Variants in SYN3 observed in about 807,000 individuals in gnomAD.
SYN3 encodes synapsin III.
In SYN3, 35 loss-of-function variants were observed where a neutral mutation model predicts 65.8. The observed-to-expected ratio is 0.53, with a 90% CI of 0.41 to 0.70. The LOEUF is 0.70. Ranked by LOEUF, SYN3 falls within the 30% of genes least tolerant of loss-of-function variation. SYN3 has a pLI of 0.00. For synonymous variants in SYN3, 270 were observed against 292.9 expected, an observed-to-expected ratio of 0.92 and a Z score of 0.80; for missense variants, 680 against 749.0, an observed-to-expected ratio of 0.91 and a Z score of 1.08.
At chr22:32,926,115 GT>G (rs2050463059) in intron 4 of SYN3, among the ~76,000 whole-genome samples, 1 of 152,292 alleles carries the variant, frequency 6.6e-6, no homozygotes, top group South Asian at 2.1e-4. Context: ...GCCTCCCAAA[GT>G]GCTGGGATTA....
chr22:32,621,089 G>A (rs1018072232), intron 6 of SYN3, among the ~76,000 whole-genome samples: 10 of 152,110 alleles, frequency 6.6e-5, no homozygotes, highest in Non-Finnish European at 1.2e-4. Flanking sequence ...AATGCAGAAG[G>A]GTTCTGGAGC....
rs1025851912 is a variant in SYN3, at chr22:32,864,897, G to C, written c.711+18C>G. ...ATTCCGCATCATGCAAAGAAACAGA[G>C]TAAAAAAGGGCACTCACCATTGGCT... On this transcript the variant is annotated intron_variant, in intron 6 of 13. Coordinates refer to ENST00000358763, the MANE Select transcript of SYN3 (RefSeq NM_003490.4). 6.2e-7 allele frequency: 1 copy of C among 1,607,490 alleles called. No homozygotes were observed. Among genetic ancestry groups the C allele is most frequent in the African/African-American group, 1.3e-5 (1 of 74,728 alleles).
At chr22:32,978,789 C>T (rs903380424) in intron 3 of SYN3, among the ~76,000 whole-genome samples, 2 of 152,164 alleles carry the variant, frequency 1.3e-5, no homozygotes, top group Non-Finnish European at 2.9e-5. Context: ...AACAGGCATA[C>T]TGTGTGGATT....
intron 6 of SYN3, among the ~76,000 whole-genome samples, chr22:32,782,302 A>C (rs1326378194): frequency 6.6e-6 from 1 of 152,090 alleles, no homozygotes; most frequent in Non-Finnish European, 1.5e-5. Flanking sequence ...TCATGACCTC[A>C]GGTGATCCAC....
At chr22:32,916,250 C>G (rs188538182) in intron 4 of SYN3, among the ~76,000 whole-genome samples, 123 of 152,332 alleles carry the variant, frequency 8.1e-4, no homozygotes, top group African/African-American at 2.9e-3. Flanking sequence ...CTGCATGGAG[C>G]AGAAGAACCA....
At chr22:32,743,552 T>C (rs1370926727) in intron 6 of SYN3, among the ~76,000 whole-genome samples, 1 of 152,102 alleles carries the variant, frequency 6.6e-6, no homozygotes, top group Non-Finnish European at 1.5e-5. Flanking sequence ...GCCCACCTGC[T>C]TGGGAAGAGG....
At chr22:32,684,173 A>C (rs2060560298) in intron 6 of SYN3, among the ~76,000 whole-genome samples, 1 of 152,202 alleles carries the variant, frequency 6.6e-6, no homozygotes, top group Non-Finnish European at 1.5e-5. Flanking sequence ...AGAAGGGACG[A>C]TCACAGTTCT....
intron 2 of SYN3, among the ~76,000 whole-genome samples, chr22:33,002,117 T>G (rs551558679): frequency 1.3e-5 from 2 of 152,332 alleles, no homozygotes; most frequent in South Asian, 4.1e-4. Flanking sequence ...CAGAGCCTAA[T>G]AGTGATGCTT....
At chr22:32,794,380 T>C (rs1189752364) in intron 6 of SYN3, among the ~76,000 whole-genome samples, 2 of 152,074 alleles carry the variant, frequency 1.3e-5, no homozygotes, top group East Asian at 3.9e-4. Flanking sequence ...GGGATTTTGG[T>C]TGGTTTGCTG....
intron 4 of SYN3, among the ~76,000 whole-genome samples, chr22:32,909,751 C>A (rs1601673771): frequency 2.0e-5 from 3 of 151,886 alleles, no homozygotes; most frequent in South Asian, 2.1e-4. Context: ...AACCTGTCAG[C>A]CTTCTCTCCT....
chr22:32,928,823 C>T (rs916698795), intron 4 of SYN3, among the ~76,000 whole-genome samples: 15 of 152,174 alleles, frequency 9.9e-5, no homozygotes, highest in Non-Finnish European at 1.5e-4. Context: ...ATCTAACAGT[C>T]TTTCCTGCAC....
At chr22:32,894,471 G>A (rs1240925127) in intron 4 of SYN3, among the ~76,000 whole-genome samples, 2 of 152,166 alleles carry the variant, frequency 1.3e-5, no homozygotes, top group Non-Finnish European at 2.9e-5. Context: ...CTAGTGACAC[G>A]TGACCCAATT....
intron 7 of SYN3, among the ~76,000 whole-genome samples, chr22:32,587,474 C>G (rs921784982): frequency 3.3e-5 from 5 of 152,106 alleles, no homozygotes; most frequent in African/African-American, 9.7e-5. Context: ...ATCTGTGAAA[C>G]ACAGAGAGAC....
rs130292 is a variant in SYN3, at chr22:32,825,657, C to CAAAAAAA, written c.711+39251_711+39257dup. Among the ~76,000 whole-genome samples the CAAAAAAA allele has an allele frequency of 3.8e-4, 11 of 28,594 alleles. 4 individuals carry two copies. The highest frequency in any genetic ancestry group is 1.4e-3 in the Admixed American group (2 of 1,430). 18.8% of individuals were successfully genotyped at this position (28,594 alleles called of 152,430 possible). ...TGGGCGACAGAGCGAGTTTCCATCT[C>CAAAAAAA]AAAAAAAAAAAAAAAAAAAAAAAAA... On this transcript the variant is annotated intron_variant, in intron 6 of 13. Transcript: ENST00000358763.
chr22:32,764,135 G>C (rs554397254), intron 6 of SYN3, among the ~76,000 whole-genome samples: 11 of 152,186 alleles, frequency 7.2e-5, no homozygotes, highest in African/African-American at 2.6e-4. Context: ...TAGAGACGGG[G>C]TTTCTCCAGG....
chr22:32,850,478 C>T (rs910421852), intron 6 of SYN3, among the ~76,000 whole-genome samples: 1 of 152,134 alleles, frequency 6.6e-6, no homozygotes, highest in Non-Finnish European at 1.5e-5. Context: ...GGGGCTTCAC[C>T]TTGAATAACT....
At position 32,667,818 on chromosome 22, in the gene SYN3, G is replaced by A. The variant is rs1262313392; in HGVS notation, c.712-71082C>T. On this transcript the variant is annotated intron_variant, in intron 6 of 13. Coordinates refer to ENST00000358763, the MANE Select transcript of SYN3 (RefSeq NM_003490.4). The stretch of plus-strand genomic sequence containing the variant: ...TCTTTCTTTTTTTTTTTTTTTTTGA[G>A]ACGGAGTGTCGCTCTGTCGCCCAGG... 2.3e-5 allele frequency among the ~76,000 whole-genome samples: 3 copies of A among 131,674 alleles called. No homozygotes were observed. In the East Asian group the frequency reaches 7.2e-4, roughly 31 times the overall value. 86.4% of individuals were successfully genotyped at this position (131,674 alleles called of 152,430 possible). A position where few individuals can be genotyped will look rare whatever the true frequency, so the allele number is the denominator to read the frequency against.
chr22:32,938,422 C>T (rs1040127033), intron 3 of SYN3, among the ~76,000 whole-genome samples: 2 of 150,662 alleles, frequency 1.3e-5, no homozygotes, highest in East Asian at 2.0e-4. Flanking sequence ...TCCAGCTACT[C>T]GGGAGGCTGA....
intron 6 of SYN3, among the ~76,000 whole-genome samples, chr22:32,791,052 T>C (rs936578970): frequency 2.0e-5 from 3 of 152,178 alleles, no homozygotes; most frequent in Non-Finnish European, 2.9e-5. Context: ...CCACCACAGA[T>C]TAACTGTGTA....
Sources: allele counts gnomAD v4.1 joint callset (sites outside exome capture counted in the v4.1 genomes callset), GRCh38; gene constraint gnomAD v4.1.1; transcripts MANE v1.5; gene names NCBI Gene and HGNC (gene_info 2026-07-23, HGNC 2026-07-21).